Variants in ACOT9 observed in about 807,000 individuals in gnomAD.
The protein encoded by ACOT9 is acyl-coenzyme A thioesterase 9, mitochondrial.
A neutral mutation model predicts 39.7 loss-of-function variants in ACOT9; 34 were observed. The ratio of observed to expected loss-of-function variants is 0.86; its 90% CI spans 0.65 to 1.14. ACOT9 has a LOEUF of 1.14. Ranked by LOEUF, ACOT9 falls within the 50% of genes most tolerant of loss-of-function variation. ACOT9 has a pLI of 0.00. For missense variants in ACOT9, 313 were observed against 344.1 expected, an observed-to-expected ratio of 0.91 and a Z score of 0.71; for synonymous variants, 110 against 120.5, an observed-to-expected ratio of 0.91 and a Z score of 0.57.
chrX:23,711,901 G>A (rs1289516048), intron 9 of ACOT9, among the ~76,000 whole-genome samples: 1 of 110,581 alleles, frequency 9.0e-6, no homozygotes, highest in Admixed American at 9.8e-5. Context: ...CTAATACAAG[G>A]CTTTAGATCT....
At chrX:23,707,561 A>G (rs192865609) in intron 10 of ACOT9, among the ~76,000 whole-genome samples, 2 of 110,418 alleles carry the variant, frequency 1.8e-5, no homozygotes, top group East Asian at 5.7e-4. Context: ...AAATGGTGAA[A>G]CCCCATCTCT....
chrX:23,726,729 C>T (rs1216705023), intron 6 of ACOT9, among the ~76,000 whole-genome samples: 7 of 108,509 alleles, frequency 6.5e-5, no homozygotes, highest in South Asian at 4.0e-4. Context: ...TGCAGTGGTG[C>T]GATCTCAGCT....
At chrX:23,739,339 GATA>G (rs1473034587) in intron 1 of ACOT9, among the ~76,000 whole-genome samples, 1 of 111,534 alleles carries the variant, frequency 9.0e-6, no homozygotes, top group Non-Finnish European at 1.9e-5. Context: ...GTAAAATGGG[GATA>G]ATAATACTAC....
intron 3 of ACOT9, among the ~76,000 whole-genome samples, chrX:23,733,887 G>A (rs1346818574): frequency 2.7e-5 from 3 of 112,222 alleles, no homozygotes; most frequent in East Asian, 2.8e-4. Context: ...TCAGCCTCCC[G>A]AGTAGCTGGG....
At chrX:23,720,381 G>A (rs1396669224) in intron 8 of ACOT9, among the ~76,000 whole-genome samples, 3 of 111,792 alleles carry the variant, frequency 2.7e-5, no homozygotes, top group Admixed American at 9.6e-5. Flanking sequence ...AACTGTGAAC[G>A]TGACTGTATT....
chrX:23,730,092 A>AT lies in ACOT9; in HGVS notation c.400+434dup, dbSNP rs34896210. Reference sequence around the variant, plus strand: ...TGACAATTCAGAAGTAGTAGATGCCATTTTTTTTTTTTTTTTTTGGAGATG... The same window carrying AT: ...TGACAATTCAGAAGTAGTAGATGCCATTTTTTTTTTTTTTTTTTTGGAGATG... On this transcript the variant is annotated intron_variant, in intron 6 of 15. Transcript: ENST00000379303. Among the ~76,000 whole-genome samples, 105 of 78,474 alleles carry AT rather than the reference A, an allele frequency of 1.3e-3. 2 individuals carry two copies. Among genetic ancestry groups the AT allele is most frequent in the Admixed American group, 3.4e-3 (20 of 5,893 alleles). The allele number at this position is 78,474 out of a possible 115,157, so 68.1% of individuals were successfully genotyped here. A position where few individuals can be genotyped will look rare whatever the true frequency, so the allele number is the denominator to read the frequency against.
chrX:23,730,456 G>A, intron 6 of ACOT9, 71 bp downstream of exon 6: 1 of 823,757 alleles, frequency 1.2e-6, no homozygotes. Context: ...GAATAAAAGA[G>A]CCCTTTCCAG....
intron 1 of ACOT9, among the ~76,000 whole-genome samples, chrX:23,741,635 T>C (rs1168571105): frequency 1.8e-5 from 2 of 112,290 alleles, no homozygotes; most frequent in African/African-American, 6.5e-5. Flanking sequence ...ATTTGTGAAC[T>C]CCTCCTCTCA....
chrX:23,734,934 A>T (rs1929881534), intron 2 of ACOT9, among the ~76,000 whole-genome samples: 1 of 99,628 alleles, frequency 1.0e-5, no homozygotes, highest in African/African-American at 3.7e-5. Flanking sequence ...GTGAGCCAAG[A>T]TCCCACCACT....
intron 9 of ACOT9, among the ~76,000 whole-genome samples, chrX:23,708,430 T>C (rs938274626): frequency 9.1e-5 from 10 of 109,424 alleles, no homozygotes; most frequent in African/African-American, 3.0e-4. Context: ...CTCGGGAGGC[T>C]GAGGCAGGAG....
intron 6 of ACOT9, 79 bp downstream of exon 6, chrX:23,730,448 A>G (rs1037689804): frequency 8.6e-5 from 70 of 811,292 alleles, no homozygotes; most frequent in Non-Finnish European, 1.2e-4. Context: ...AGGTTAAAGA[A>G]TAAAAGAGCC....
intron 6 of ACOT9, among the ~76,000 whole-genome samples, chrX:23,729,819 G>T (rs1487514761): frequency 1.8e-5 from 2 of 110,326 alleles, no homozygotes; most frequent in Non-Finnish European, 3.8e-5. Flanking sequence ...TTTTAGTAGA[G>T]ATGGGGTTTC....
chrX:23,724,688 C>T (rs757098586), intron 6 of ACOT9, among the ~76,000 whole-genome samples: 10 of 109,995 alleles, frequency 9.1e-5, no homozygotes, highest in Admixed American at 2.0e-4. Context: ...TGGGAGGATG[C>T]TTGAGCCCGA....
At chrX:23,710,638 G>A (rs1259308076) in intron 9 of ACOT9, among the ~76,000 whole-genome samples, 1 of 111,667 alleles carries the variant, frequency 9.0e-6, no homozygotes, top group Non-Finnish European at 1.9e-5. Context: ...AGGATCACTT[G>A]AGCCCAGGAT....
At chrX:23,731,047 G>T in intron 4 of ACOT9, 61 bp from the exon 5 acceptor site, 2 of 1,004,433 alleles carry the variant, frequency 2.0e-6, no homozygotes, top group Non-Finnish European at 2.7e-6. Context: ...AATTCCAGTG[G>T]TACACAGGCC....
chrX:23,728,740 T>A (rs1253793141), intron 6 of ACOT9, among the ~76,000 whole-genome samples: 3 of 111,908 alleles, frequency 2.7e-5, no homozygotes, highest in Admixed American at 9.6e-5. Context: ...AATATCATCC[T>A]CCACTTCAAA....
chrX:23,713,358 A>C, intron 8 of ACOT9, 150 bp from the exon 9 acceptor site: 1 of 438,935 alleles, frequency 2.3e-6, no homozygotes, highest in Non-Finnish European at 4.0e-6. Context: ...TGGGAGGATC[A>C]CTTGAGGCCA....
At chrX:23,733,105 G>A in intron 4 of ACOT9, 67 bp downstream of exon 4, 1 of 1,025,151 alleles carries the variant, frequency 9.8e-7, no homozygotes. Context: ...ACCATCAACT[G>A]AGCCTAAATA....
intron 8 of ACOT9, among the ~76,000 whole-genome samples, chrX:23,719,838 G>C (rs1012938020): frequency 9.9e-5 from 6 of 60,722 alleles, no homozygotes; most frequent in Admixed American, 1.9e-4. Context: ...AAATGAATAA[G>C]TCATTTTTTT....
Sources: allele counts gnomAD v4.1 joint callset (sites outside exome capture counted in the v4.1 genomes callset), GRCh38; gene constraint gnomAD v4.1.1; transcripts MANE v1.5; gene names NCBI Gene and HGNC (gene_info 2026-07-23, HGNC 2026-07-21).